Variants in CTNNA2 observed in about 807,000 individuals in gnomAD.
The protein encoded by CTNNA2 is catenin alpha 2.
Under a neutral mutation model 101.0 loss-of-function variants are expected in CTNNA2, and 42 were observed. The ratio of observed to expected loss-of-function variants is 0.42; its 90% CI spans 0.32 to 0.54. The LOEUF (loss-of-function observed/expected upper bound fraction) is 0.54, where lower values mean the gene tolerates loss of function less well. Ranked by LOEUF, CTNNA2 falls within the 20% of genes least tolerant of loss-of-function variation. The pLI is 0.14. For missense variants in CTNNA2, 871 were observed against 1,223.1 expected, an observed-to-expected ratio of 0.71 and a Z score of 4.29; for synonymous variants, 450 against 456.4, an observed-to-expected ratio of 0.99 and a Z score of 0.18.
In CTNNA2 at chr2:80,170,207, C is replaced by CTG. The variant is rs765701216; in HGVS notation, c.1057-223003_1057-223002insGT. Among the ~76,000 whole-genome samples, 1,301 of 150,798 alleles carry CTG rather than the reference C, an allele frequency of 8.6e-3. 15 individuals are homozygous for CTG. Among genetic ancestry groups the CTG allele is most frequent in the African/African-American group, 0.027 (1,102 of 40,614 alleles). On this transcript the variant is annotated intron_variant, in intron 7 of 18. Transcript: ENST00000402739. ...CCTGCTTGTCTCTCTCTCTCTCTCT[C>CTG]TATCTCTCTCTCTCTCTCTCTCTCT...
intron 12 of CTNNA2, among the ~76,000 whole-genome samples, chr2:80,562,391 A>G (rs370367105): frequency 8.7e-4 from 133 of 152,322 alleles, no homozygotes; most frequent in African/African-American, 3.1e-3. Flanking sequence ...CTCTCATAAG[A>G]TAAATGCAAA....
chr2:79,698,026 C>T (rs556590670), intron 2 of CTNNA2: 1 of 152,046 alleles, frequency 6.6e-6, no homozygotes, highest in African/African-American at 2.4e-5. Context: ...AAACAGTATT[C>T]GTGATAAAAT....
intron 4 of CTNNA2, among the ~76,000 whole-genome samples, chr2:79,445,464 A>C (rs1001515350): frequency 2.0e-5 from 3 of 152,144 alleles, no homozygotes; most frequent in Non-Finnish European, 4.4e-5. Context: ...CCTCAAAGTG[A>C]TTTGGTGGAA....
intron 1 of CTNNA2, among the ~76,000 whole-genome samples, chr2:79,187,256 TTTTC>T (rs1673790254): frequency 9.0e-6 from 1 of 110,512 alleles, no homozygotes. Flanking sequence ...TTTTCTTTTC[TTTTC>T]TTTTCTTTTC....
At chr2:80,489,437 A>T (rs1358030789) in intron 9 of CTNNA2, among the ~76,000 whole-genome samples, 1 of 152,180 alleles carries the variant, frequency 6.6e-6, no homozygotes, top group Non-Finnish European at 1.5e-5. Context: ...CTACCTTATA[A>T]ATGCACTGCT....
chr2:79,616,801 T>A (rs1678648981), intron 1 of CTNNA2, among the ~76,000 whole-genome samples: 1 of 152,238 alleles, frequency 6.6e-6, no homozygotes, highest in South Asian at 2.1e-4. Context: ...AATTTTAGGT[T>A]AGTGGTTATT....
chr2:79,804,596 A>C (rs2105311290), intron 3 of CTNNA2, among the ~76,000 whole-genome samples: 1 of 152,258 alleles, frequency 6.6e-6, no homozygotes, highest in East Asian at 1.9e-4. Flanking sequence ...GTTTGACTTA[A>C]TCTGTGTCAT....
At chr2:80,395,516 C>A (rs1041699736) in intron 8 of CTNNA2, among the ~76,000 whole-genome samples, 1 of 152,174 alleles carries the variant, frequency 6.6e-6, no homozygotes, top group Non-Finnish European at 1.5e-5. Flanking sequence ...CCTGTAGTGG[C>A]ACAAAAGCTT....
chr2:79,907,998 G>T (rs892815993), intron 6 of CTNNA2, among the ~76,000 whole-genome samples: 2 of 152,146 alleles, frequency 1.3e-5, no homozygotes, highest in Non-Finnish European at 2.9e-5. Flanking sequence ...GAGAATTGGA[G>T]CCCAGATATT....
chr2:79,774,544 A>T (rs2105163494), intron 3 of CTNNA2, among the ~76,000 whole-genome samples: 1 of 152,276 alleles, frequency 6.6e-6, no homozygotes, highest in African/African-American at 2.4e-5. Flanking sequence ...CACACAGGAA[A>T]ATGAGAGCTC....
At chr2:79,706,105 C>T (rs1685342434) in intron 2 of CTNNA2, among the ~76,000 whole-genome samples, 1 of 151,928 alleles carries the variant, frequency 6.6e-6, no homozygotes, top group African/African-American at 2.4e-5. Flanking sequence ...TGGCTTATAC[C>T]TGTAATCCCA....
chr2:79,365,867 G>A (rs1209630099), intron 3 of CTNNA2, among the ~76,000 whole-genome samples: 1 of 152,082 alleles, frequency 6.6e-6, no homozygotes, highest in South Asian at 2.1e-4. Flanking sequence ...TTTCTGTAAC[G>A]GTCACTGTAA....
chr2:79,233,751 T>C (rs1445907995), intron 2 of CTNNA2, among the ~76,000 whole-genome samples: 2 of 152,178 alleles, frequency 1.3e-5, no homozygotes, highest in African/African-American at 4.8e-5. Flanking sequence ...TAAACATATA[T>C]GTTTAAGATG....
chr2:79,836,544 C>CT (rs1679377851), intron 3 of CTNNA2, among the ~76,000 whole-genome samples: 1 of 152,282 alleles, frequency 6.6e-6, no homozygotes, highest in African/African-American at 2.4e-5. Flanking sequence ...CAGAAATTTA[C>CT]TTTTTAACAG....
Position 80,303,396 on chromosome 2 carries a change from C to G in CTNNA2, c.1057-89815C>G, listed in dbSNP as rs766412259. 6.2e-7 allele frequency: 1 copy of G among 1,614,020 alleles called. No homozygotes were observed. The highest frequency in any genetic ancestry group is 1.3e-5 in the African/African-American group (1 of 74,904). On this transcript the variant is annotated intron_variant, in intron 7 of 18. Coordinates refer to ENST00000402739, the MANE Select transcript of CTNNA2 (RefSeq NM_001282597.3). This position sits in a 1 kb window ranked among gnomAD's most constrained non-coding sequence, Gnocchi z 7.7. ...TGCAGCTTGTTGTACGAGAGGTCCA[C>G]GCTGCGCAGGTTGGGCATGGGCCGG...
At chr2:80,090,782 A>G (rs1474252500) in intron 7 of CTNNA2, among the ~76,000 whole-genome samples, 1 of 152,104 alleles carries the variant, frequency 6.6e-6, no homozygotes, top group Non-Finnish European at 1.5e-5. Context: ...TAGTAGAGGT[A>G]ATCCAAACAT....
intron 9 of CTNNA2, among the ~76,000 whole-genome samples, chr2:80,475,815 A>G (rs1344946991): frequency 6.6e-6 from 1 of 152,206 alleles, no homozygotes; most frequent in Admixed American, 6.5e-5. Flanking sequence ...ATATTGCCAC[A>G]TATGGAATGA....
intron 2 of CTNNA2, among the ~76,000 whole-genome samples, chr2:79,725,633 C>T (rs552787249): frequency 6.6e-6 from 1 of 152,230 alleles, no homozygotes; most frequent in South Asian, 2.1e-4. Context: ...CTAATCATGT[C>T]CTTACTATAA....
intron 2 of CTNNA2, among the ~76,000 whole-genome samples, chr2:79,725,392 T>C (rs190590309): frequency 1.4e-4 from 21 of 152,308 alleles, no homozygotes. Context: ...TTCAAGACAG[T>C]TGTGCAAATT....
Sources: gnomAD v4.1 joint callset for allele counts (sites outside exome capture counted in the v4.1 genomes callset) on GRCh38, gnomAD v4.1.1 for gene constraint, Gnocchi (gnomAD v3.1) non-coding constraint, MANE v1.5 for transcripts, NCBI Gene and HGNC (gene_info 2026-07-23, HGNC 2026-07-21) for gene names.